The following ARHGAP27 variants were observed in gnomAD, a reference collection of about 807,000 sequenced individuals.
The protein encoded by ARHGAP27 is rho GTPase-activating protein 27.
A neutral mutation model predicts 102.0 loss-of-function variants in ARHGAP27; 53 were observed. That is an observed-to-expected ratio of 0.52 (90% CI 0.42 to 0.65). ARHGAP27 has a LOEUF of 0.65. ARHGAP27 is among the 30% of genes least tolerant of loss of function. The probability of loss-of-function intolerance (pLI) is 0.00; values close to 1 mark genes in which losing one functional copy is unlikely to be tolerated. For synonymous variants in ARHGAP27, 525 were observed against 542.8 expected, an observed-to-expected ratio of 0.97 and a Z score of 0.46; for missense variants, 1,117 against 1,256.2, an observed-to-expected ratio of 0.89 and a Z score of 1.68.
Position 45,395,850 on chromosome 17 carries a change from C to G in ARHGAP27, c.2387-1G>C. The G allele has an allele frequency of 1.2e-6, 2 of 1,600,116 alleles. No homozygotes were observed. The highest frequency in any genetic ancestry group is 1.7e-6 in the Non-Finnish European group (2 of 1,173,568). Reference sequence around the variant, plus strand: ...CTGCGCCGGGCCTGGTCCTGCAACTCTGGGTGAGGGAAGGTTTAGAGGGAG... The same window carrying G: ...CTGCGCCGGGCCTGGTCCTGCAACTGTGGGTGAGGGAAGGTTTAGAGGGAG... On this transcript the variant is annotated splice_acceptor_variant, in intron 18 of 19. Coordinates refer to ENST00000685559, the MANE Select transcript of ARHGAP27 (RefSeq NM_001282290.2). LOFTEE classifies it high-confidence loss of function.
intron 2 of ARHGAP27, 22 bp downstream of exon 2, chr17:45,432,194 C>T (rs1350162770): frequency 5.7e-6 from 1 of 174,856 alleles, no homozygotes; most frequent in East Asian, 1.9e-4. Context: ...TCCGCCCGCT[C>T]CGGGCCCACC....
chr17:45,428,816 C>T (rs2145073670), intron 4 of ARHGAP27, among the ~76,000 whole-genome samples: 1 of 152,182 alleles, frequency 6.6e-6, no homozygotes, highest in African/African-American at 2.4e-5. Flanking sequence ...TTTTTTTCCC[C>T]TCGGGCTGCC....
chr17:45,401,548 C>T (rs1438503096), intron 12 of ARHGAP27: 1 of 152,210 alleles, frequency 6.6e-6, no homozygotes, highest in Non-Finnish European at 1.5e-5. Context: ...GACATGAGGT[C>T]ATGCTCTTGG....
chr17:45,425,717 G>A, intron 4 of ARHGAP27: 5 of 916,874 alleles, frequency 5.5e-6, no homozygotes, highest in Non-Finnish European at 5.2e-6. Flanking sequence ...CAGCAGCAGG[G>A]GCGGGCTCCA....
intron 11 of ARHGAP27, 108 bp downstream of exon 11, chr17:45,403,511 A>T: frequency 1.1e-6 from 1 of 931,376 alleles, no homozygotes; most frequent in Non-Finnish European, 1.6e-6. Context: ...AGATTACACC[A>T]CTACACTCCA....
Position 45,395,180 on chromosome 17 carries a change from G to A in ARHGAP27, c.*276C>T. 3.7e-6 allele frequency: 2 copies of A among 537,406 alleles called. No homozygotes were observed. Among genetic ancestry groups the A allele is most frequent in the Non-Finnish European group, 3.3e-6 (1 of 302,522 alleles). 33.3% of individuals were successfully genotyped at this position (537,406 alleles called of 1,614,324 possible). A position where few individuals can be genotyped will look rare whatever the true frequency, so the allele number is the denominator to read the frequency against. On this transcript the variant is annotated 3_prime_UTR_variant, in exon 20 of 20. Transcript: ENST00000685559. ...CCACACACGCTATCGCACACGCACAGTAGGCGCGATGCAACAGAGAAAAAA... is the reference window on the plus strand; with the variant it reads ...CCACACACGCTATCGCACACGCACAATAGGCGCGATGCAACAGAGAAAAAA...
chr17:45,424,837 T>G (rs1278945917), intron 4 of ARHGAP27, among the ~76,000 whole-genome samples: 1 of 151,672 alleles, frequency 6.6e-6, no homozygotes, highest in Non-Finnish European at 1.5e-5. Flanking sequence ...AAAAAACAGG[T>G]CTAGAGTGAG....
Position 45,430,377 on chromosome 17 carries a change from G to A in ARHGAP27, c.-18-80C>T, listed in dbSNP as rs1597883870. On this transcript the variant is annotated intron_variant, in intron 3 of 19. Transcript: ENST00000685559. The surrounding 1 kb of genome is among the most constrained non-coding windows in gnomAD (Gnocchi z 4.4). ...GCCCCGCACTCGGGGACAGACTTGG[G>A]TTCGAGTCCCGATCCTGCACTCGCC... The A allele has an allele frequency of 6.8e-7, 1 of 1,476,822 alleles. No individual in the cohort carries two copies. The highest frequency in any genetic ancestry group is 1.3e-5 in the South Asian group (1 of 75,580). 91.5% of individuals were successfully genotyped at this position (1,476,822 alleles called of 1,614,324 possible).
At chr17:45,410,239 G>A (rs8064860) in intron 4 of ARHGAP27, 19 of 1,533,756 alleles carry the variant, frequency 1.2e-5, no homozygotes, top group African/African-American at 2.7e-5. Context: ...TACCTGTGCC[G>A]GCAAGGCTCG....
chr17:45,400,421 G>A (rs2046300918), intron 12 of ARHGAP27, among the ~76,000 whole-genome samples: 1 of 152,154 alleles, frequency 6.6e-6, no homozygotes, highest in African/African-American at 2.4e-5. Flanking sequence ...AGGAGGCAGG[G>A]GCTTGTGATT....
intron 4 of ARHGAP27, among the ~76,000 whole-genome samples, chr17:45,416,068 C>T (rs1221162379): frequency 2.0e-5 from 3 of 149,000 alleles, no homozygotes; most frequent in South Asian, 2.1e-4. Flanking sequence ...TTTTTTGAGA[C>T]GGAGTCTGGC....
chr17:45,400,840 G>A (rs1034043552), intron 12 of ARHGAP27, among the ~76,000 whole-genome samples: 2 of 152,060 alleles, frequency 1.3e-5, no homozygotes, highest in Admixed American at 6.6e-5. Flanking sequence ...ACTTGAATCC[G>A]AGAGGCAGAG....
chr17:45,420,302 T>C (rs1355234235), intron 4 of ARHGAP27, among the ~76,000 whole-genome samples: 2 of 152,112 alleles, frequency 1.3e-5, no homozygotes, highest in Non-Finnish European at 2.9e-5. Context: ...AGGTTTTTGT[T>C]TTGTTTTGTT....
chr17:45,410,403 G>T, intron 4 of ARHGAP27: 1 of 1,375,324 alleles, frequency 7.3e-7, no homozygotes, highest in South Asian at 1.7e-5. Context: ...TTGCCGAGAT[G>T]GCGGGAGGCT....
rs1289370359 is a variant in ARHGAP27 at position 45,429,788 on chromosome 17, G to A, written c.492C>T (p.Ala164=). Residue 164 remains alanine (A), a synonymous_variant, in exon 4 of 20, where the codon GCC becomes GCT. Coordinates refer to ENST00000685559, the MANE Select transcript of ARHGAP27 (RefSeq NM_001282290.2). ...CTAGGAGGCCGGCGGGAGGCGAGAC[G>A]GCGGCGCAGGCCAGGTCGTTCAGGG... The part of the protein sequence containing the change: ...AQSLNDLACA[A]VSPPAGLLGS... 1.2e-5 allele frequency: 19 copies of A among 1,520,146 alleles called. No individual in the cohort carries two copies. In the East Asian group the frequency reaches 4.1e-4, roughly 33 times the overall value. 94.2% of individuals were successfully genotyped at this position (1,520,146 alleles called of 1,614,324 possible).
intron 5 of ARHGAP27, among the ~76,000 whole-genome samples, 193 bp downstream of exon 5, chr17:45,405,483 C>T (rs1054492491): frequency 1.3e-5 from 2 of 151,312 alleles, no homozygotes; most frequent in East Asian, 1.9e-4. Flanking sequence ...GGTAGCCCCG[C>T]CCACTCCAGC....
intron 4 of ARHGAP27, chr17:45,425,502 G>C (rs1048745121): frequency 1.0e-6 from 1 of 954,402 alleles, no homozygotes; most frequent in African/African-American, 1.8e-5. Flanking sequence ...TCGGGAAAGG[G>C]AGGGGAGAGA....
chr17:45,410,158 C>T (rs2047731833), intron 4 of ARHGAP27: 4 of 1,497,248 alleles, frequency 2.7e-6, no homozygotes, highest in Non-Finnish European at 3.6e-6. Context: ...TGCTCTAAGC[C>T]CCAGCTCACC....
intron 4 of ARHGAP27, chr17:45,410,395 G>C (rs1181554914): frequency 1.5e-6 from 2 of 1,361,878 alleles, no homozygotes; most frequent in Non-Finnish European, 1.9e-6. Context: ...ACAAGAAGTT[G>C]CCGAGATGGC....
Sources: allele counts gnomAD v4.1 joint callset (sites outside exome capture counted in the v4.1 genomes callset), GRCh38; gene constraint gnomAD v4.1.1; non-coding constraint Gnocchi (gnomAD v3.1); transcripts MANE v1.5; gene names NCBI Gene and HGNC (gene_info 2026-07-23, HGNC 2026-07-21).